The following SLC44A1 variants were observed in gnomAD, a reference collection of about 807,000 sequenced individuals.
SLC44A1 encodes solute carrier family 44 member 1.
A neutral mutation model predicts 79.3 loss-of-function variants in SLC44A1; 26 were observed. The ratio of observed to expected loss-of-function variants is 0.33; its 90% CI spans 0.24 to 0.46. The LOEUF (loss-of-function observed/expected upper bound fraction) is 0.46, where lower values mean the gene tolerates loss of function less well. SLC44A1 is among the 20% of genes least tolerant of loss of function. The probability of loss-of-function intolerance (pLI) is 1.00; values close to 1 mark genes in which losing one functional copy is unlikely to be tolerated. For missense variants in SLC44A1, 688 were observed against 798.1 expected, an observed-to-expected ratio of 0.86 and a Z score of 1.66; for synonymous variants, 263 against 286.2, an observed-to-expected ratio of 0.92 and a Z score of 0.82.
At chr9:105,339,137 A>G (rs1293172983) in intron 4 of SLC44A1, among the ~76,000 whole-genome samples, 1 of 152,366 alleles carries the variant, frequency 6.6e-6, no homozygotes, top group East Asian at 1.9e-4. Flanking sequence ...TCAAAGGACA[A>G]AAATCAACAG....
At chr9:105,335,912 C>CT (rs1364945832) in intron 4 of SLC44A1, among the ~76,000 whole-genome samples, 1 of 152,110 alleles carries the variant, frequency 6.6e-6, no homozygotes, top group African/African-American at 2.4e-5. Context: ...CTGAGTGGGT[C>CT]TTTGTGCTCT....
chr9:105,352,862 A>G (rs1440173354), intron 5 of SLC44A1, among the ~76,000 whole-genome samples: 2 of 152,204 alleles, frequency 1.3e-5, no homozygotes, highest in African/African-American at 4.8e-5. Context: ...TTTTGATAAG[A>G]AAACAATTGA....
At chr9:105,319,037 T>C (rs1826299906) in intron 3 of SLC44A1, among the ~76,000 whole-genome samples, 1 of 152,166 alleles carries the variant, frequency 6.6e-6, no homozygotes, top group African/African-American at 2.4e-5. Flanking sequence ...CTTTGTAATA[T>C]ACTTCAGGTA....
chr9:105,282,583 C>T (rs1351360388), intron 1 of SLC44A1, among the ~76,000 whole-genome samples: 2 of 151,690 alleles, frequency 1.3e-5, no homozygotes, highest in Admixed American at 1.3e-4. Flanking sequence ...GAGTCTTGCT[C>T]TGTCAGCCAG....
At chr9:105,293,438 G>A (rs1040985631) in intron 1 of SLC44A1, among the ~76,000 whole-genome samples, 3 of 152,312 alleles carry the variant, frequency 2.0e-5, no homozygotes, top group South Asian at 2.1e-4. Context: ...CTGACTTCCA[G>A]GGTTTTGGAC....
intron 5 of SLC44A1, among the ~76,000 whole-genome samples, chr9:105,350,987 C>G (rs1346844546): frequency 1.3e-5 from 2 of 152,144 alleles, no homozygotes; most frequent in Non-Finnish European, 2.9e-5. Context: ...ATTTTAAAAA[C>G]AAATGCCTAG....
intron 9 of SLC44A1, 29 bp downstream of exon 9, chr9:105,363,036 G>T: frequency 1.3e-6 from 2 of 1,508,414 alleles, no homozygotes; most frequent in South Asian, 2.4e-5. Context: ...TTCTCTTAGT[G>T]ACAAACGTGA....
At chr9:105,376,902 C>T (rs1828308961) in intron 13 of SLC44A1, among the ~76,000 whole-genome samples, 1 of 152,106 alleles carries the variant, frequency 6.6e-6, no homozygotes, top group Admixed American at 6.5e-5. Flanking sequence ...ATTAAATTGG[C>T]CAAATTTAGA....
At position 105,348,398 on chromosome 9, in the gene SLC44A1, C is replaced by G; in HGVS notation, c.447C>G (p.Tyr149Ter). The G allele has an allele frequency of 6.2e-7, 1 of 1,611,982 alleles. No individual in the cohort carries two copies. Among genetic ancestry groups the G allele is most frequent in the Non-Finnish European group, 8.5e-7 (1 of 1,178,318 alleles). The stretch of plus-strand genomic sequence containing the variant: ...GCTACAACCTAAAGCCTTCTGAATA[C>G]ACTACATCTCCAAAATCTTCTGTTC... ...LCSYNLKPSEYTTSPKSSVLC... is the reference protein window; with the variant it reads ...LCSYNLKPSE Residue 149 changes from tyrosine to a stop codon, truncating the protein, a stop_gained, in exon 5 of 16, where the codon TAC becomes TAG. Coordinates refer to ENST00000374720, the MANE Select transcript of SLC44A1 (RefSeq NM_080546.5). LOFTEE classifies it high-confidence loss of function.
At chr9:105,253,733 A>AT (rs1006589547) in intron 1 of SLC44A1, among the ~76,000 whole-genome samples, 28 of 151,044 alleles carry the variant, frequency 1.9e-4, no homozygotes, top group Middle Eastern at 3.2e-3. Flanking sequence ...CCCTGTCTTT[A>AT]TTTTTTTTTG....
intron 3 of SLC44A1, among the ~76,000 whole-genome samples, chr9:105,325,577 T>G (rs1335932508): frequency 2.0e-5 from 3 of 152,158 alleles, no homozygotes; most frequent in Non-Finnish European, 4.4e-5. Flanking sequence ...GCTGATATGC[T>G]AGCTCACATC....
At chr9:105,273,746 C>G (rs564076095) in intron 1 of SLC44A1, among the ~76,000 whole-genome samples, 1 of 152,072 alleles carries the variant, frequency 6.6e-6, no homozygotes, top group Non-Finnish European at 1.5e-5. Flanking sequence ...CCGTATCATA[C>G]TTCATTAAGC....
chr9:105,385,104 T>C (rs924403948), intron 14 of SLC44A1, among the ~76,000 whole-genome samples: 3 of 152,202 alleles, frequency 2.0e-5, no homozygotes, highest in Non-Finnish European at 4.4e-5. Flanking sequence ...TAAAATGATA[T>C]TCTGAGTATG....
At position 105,336,134 on chromosome 9, in the gene SLC44A1, A is replaced by ATGTGTGTG. The variant is rs35324360; in HGVS notation, c.406+457_406+464dup. Among the ~76,000 whole-genome samples, 366 of 145,072 alleles carry ATGTGTGTG rather than the reference A, an allele frequency of 2.5e-3. 1 individual carries two copies. The highest frequency in any genetic ancestry group is 8.5e-3 in the African/African-American group (343 of 40,202). Reference sequence around the variant, plus strand: ...TACATACATATGTGTGTGTGTGTGCATGTGTGTGTGTGTGTGTGTGTGTGT... The same window carrying ATGTGTGTG: ...TACATACATATGTGTGTGTGTGTGCATGTGTGTGTGTGTGTGTGTGTGTGTGTGTGTGT... On this transcript the variant is annotated intron_variant, in intron 4 of 15. Coordinates refer to ENST00000374720, the MANE Select transcript of SLC44A1 (RefSeq NM_080546.5).
At chr9:105,307,871 T>A (rs1169385360) in intron 2 of SLC44A1, among the ~76,000 whole-genome samples, 1 of 152,146 alleles carries the variant, frequency 6.6e-6, no homozygotes, top group Non-Finnish European at 1.5e-5. Flanking sequence ...TGGGATTGAC[T>A]GCCCTGTAGT....
intron 15 of SLC44A1, among the ~76,000 whole-genome samples, chr9:105,387,145 A>T (rs1291348073): frequency 6.7e-6 from 1 of 148,210 alleles, no homozygotes; most frequent in Non-Finnish European, 1.5e-5. Flanking sequence ...CAGGGAGGCT[A>T]TATGTATATT....
chr9:105,263,869 C>T (rs1829899379), intron 1 of SLC44A1, among the ~76,000 whole-genome samples: 1 of 152,068 alleles, frequency 6.6e-6, no homozygotes. Flanking sequence ...TTAAGCATTT[C>T]TAGGGCTTGT....
intron 12 of SLC44A1, among the ~76,000 whole-genome samples, chr9:105,367,353 A>G (rs1827973235): frequency 6.6e-6 from 1 of 152,118 alleles, no homozygotes; most frequent in Non-Finnish European, 1.5e-5. Context: ...ATTGGGTTCT[A>G]TGGTTAATAT....
chr9:105,359,972 A>C (rs866879916), intron 7 of SLC44A1, among the ~76,000 whole-genome samples: 1 of 152,264 alleles, frequency 6.6e-6, no homozygotes, highest in Middle Eastern at 3.4e-3. Flanking sequence ...TATCCCAGAC[A>C]TTTATCATAT....
Sources: allele counts gnomAD v4.1 joint callset (sites outside exome capture counted in the v4.1 genomes callset), GRCh38; gene constraint gnomAD v4.1.1; transcripts MANE v1.5; gene names NCBI Gene and HGNC (gene_info 2026-07-23, HGNC 2026-07-21).